The following DOCK3 variants were observed in gnomAD, a reference collection of about 807,000 sequenced individuals.
DOCK3 encodes dedicator of cytokinesis protein 3.
A neutral mutation model predicts 265.6 loss-of-function variants in DOCK3; 60 were observed. That is an observed-to-expected ratio of 0.23 (90% CI 0.18 to 0.28). The LOEUF (loss-of-function observed/expected upper bound fraction) is 0.28. Ranked by LOEUF, DOCK3 falls within the 10% of genes least tolerant of loss-of-function variation. The pLI is 1.00. For missense variants in DOCK3, 1,981 were observed against 2,594.3 expected (o/e 0.76, Z 5.14); for synonymous variants, 881 against 938.0 (o/e 0.94, Z 1.11).
chr3:51,116,321 G>A (rs2083736995), intron 9 of DOCK3, among the ~76,000 whole-genome samples: 1 of 151,118 alleles, frequency 6.6e-6, no homozygotes, highest in Non-Finnish European at 1.5e-5. Context: ...CGTGGTGGTG[G>A]GCACCTGTAA....
Position 51,312,491 on chromosome 3 carries a change from T to C in DOCK3, c.3109T>C (p.Phe1037Leu). Residue 1037 changes from phenylalanine (F) to leucine (L), a missense_variant, in exon 30 of 53, where the codon TTT (phenylalanine) becomes CTT (leucine). Coordinates refer to ENST00000266037, the MANE Select transcript of DOCK3 (RefSeq NM_004947.5). ...GTCTGTCTAGGTGTGGAATTCTTAC[T>C]TTAGCCTGGCAGTTCTATTCATAAA... is the stretch of plus-strand genomic sequence containing the variant. The part of the protein sequence containing the change: ...DFDFKVWNSY[F>L]SLAVLFINQP... The C allele has an allele frequency of 6.2e-7, 1 of 1,612,938 alleles. No homozygotes were observed. The highest frequency in any genetic ancestry group is 8.5e-7 in the Non-Finnish European group (1 of 1,179,708).
chr3:50,792,166 C>T (rs1334097514), intron 2 of DOCK3, among the ~76,000 whole-genome samples: 4 of 145,330 alleles, frequency 2.8e-5, no homozygotes, highest in African/African-American at 5.1e-5. Context: ...TTTTTGTAGA[C>T]GTCTTTCACT....
intron 5 of DOCK3, among the ~76,000 whole-genome samples, chr3:51,020,906 G>T (rs2079558782): frequency 6.6e-6 from 1 of 151,838 alleles, no homozygotes; most frequent in Non-Finnish European, 1.5e-5. Context: ...GTAGCATAAT[G>T]CCTGCAGCTT....
At chr3:50,762,972 G>A (rs912877603) in intron 1 of DOCK3, among the ~76,000 whole-genome samples, 1 of 151,978 alleles carries the variant, frequency 6.6e-6, no homozygotes, top group Non-Finnish European at 1.5e-5. Context: ...CACCAGGACA[G>A]ATGCCCTTTG....
intron 5 of DOCK3, among the ~76,000 whole-genome samples, chr3:51,051,255 G>C (rs1332313749): frequency 6.6e-6 from 1 of 152,236 alleles, no homozygotes; most frequent in Non-Finnish European, 1.5e-5. Flanking sequence ...ATGGTTACCT[G>C]TAAGAAGTTG....
At chr3:51,029,967 C>T (rs1297607627) in intron 5 of DOCK3, among the ~76,000 whole-genome samples, 3 of 143,576 alleles carry the variant, frequency 2.1e-5, no homozygotes, top group Admixed American at 7.1e-5. Flanking sequence ...CCCTGGGACA[C>T]GGGGTCGGGG....
Position 51,003,497 on chromosome 3 carries a change from A to G in DOCK3, c.316-60951A>G, listed in dbSNP as rs139797870. 9.1e-4 allele frequency among the ~76,000 whole-genome samples: 138 copies of G among 152,360 alleles called. 2 individuals carry two copies. The East Asian group carries it at 0.026, about 29-fold the overall frequency. ...TCATAGAGCTGCAAGTGAAAGACAT[A>G]CATTTACGCTAATGATTTATGTATG... On this transcript the variant is annotated intron_variant, in intron 5 of 52. Transcript: ENST00000266037.
At chr3:50,909,225 T>A (rs1039955319) in intron 4 of DOCK3, among the ~76,000 whole-genome samples, 6 of 152,152 alleles carry the variant, frequency 3.9e-5, no homozygotes, top group African/African-American at 1.4e-4. Flanking sequence ...TTAAGTTTAA[T>A]ACTGTTATGT....
chr3:50,852,760 T>C (rs1253507932), intron 3 of DOCK3, among the ~76,000 whole-genome samples: 1 of 152,202 alleles, frequency 6.6e-6, no homozygotes, highest in Non-Finnish European at 1.5e-5. Flanking sequence ...ATGTATCTGC[T>C]GTTATCCTAT....
At chr3:50,902,883 T>TGAG (rs1376976738) in intron 4 of DOCK3, among the ~76,000 whole-genome samples, 1 of 152,236 alleles carries the variant, frequency 6.6e-6, no homozygotes, top group African/African-American at 2.4e-5. Context: ...GAAGAGGTCC[T>TGAG]ACACCTGTCT....
intron 19 of DOCK3, among the ~76,000 whole-genome samples, chr3:51,234,185 C>T (rs557623298): frequency 3.3e-5 from 5 of 152,284 alleles, no homozygotes; most frequent in African/African-American, 1.2e-4. Flanking sequence ...ATAGCTCTCC[C>T]AACTGGGATG....
Position 51,270,872 on chromosome 3 carries a change from G to A in DOCK3, c.2413G>A (p.Val805Met), listed in dbSNP as rs374645432. 39 of 1,613,988 alleles carry A rather than the reference G, an allele frequency of 2.4e-5. No individual in the cohort carries two copies. Among genetic ancestry groups the A allele is most frequent in the Non-Finnish European group, 3.0e-5 (35 of 1,179,892 alleles). ...IFDELLQMFT[V>M]QEVAEFVRGT... ...TGATGAGCTTCTGCAAATGTTCACC[G>A]TGCAAGAGGTGGCAGAGTTTGTGAG... is the stretch of plus-strand genomic sequence containing the variant. The change falls in exon 24 of 53, where the codon GTG becomes ATG. Residue 805 changes from valine (V) to methionine (M), a missense_variant. This residue lies in a region of DOCK3 where 1,357 missense variants were observed against 1,866.8 expected (regional missense o/e 0.73). Transcript: ENST00000266037.
At chr3:51,249,078 G>C (rs1410192094) in intron 22 of DOCK3, among the ~76,000 whole-genome samples, 1 of 151,558 alleles carries the variant, frequency 6.6e-6, no homozygotes, top group East Asian at 2.0e-4. Flanking sequence ...CCGCCCGGCA[G>C]CCACCCCGTC....
intron 5 of DOCK3, among the ~76,000 whole-genome samples, chr3:50,935,562 C>CTACT (rs1474271220): frequency 2.6e-5 from 4 of 152,216 alleles, no homozygotes; most frequent in Non-Finnish European, 5.9e-5. Flanking sequence ...TTGTTGTACT[C>CTACT]TCCCCAGCTG....
At chr3:51,291,603 T>C (rs2081778805) in intron 27 of DOCK3, among the ~76,000 whole-genome samples, 2 of 152,128 alleles carry the variant, frequency 1.3e-5, no homozygotes, top group Admixed American at 6.5e-5. Flanking sequence ...GAATCAGTAA[T>C]TAAGAGTCTT....
At chr3:51,083,985 A>C (rs2082330889) in intron 7 of DOCK3, among the ~76,000 whole-genome samples, 1 of 151,196 alleles carries the variant, frequency 6.6e-6, no homozygotes, top group African/African-American at 2.5e-5. Flanking sequence ...CTCCATCTCA[A>C]ATAAATAAAT....
chr3:51,184,097 G>A (rs535662124), intron 12 of DOCK3, among the ~76,000 whole-genome samples: 2 of 152,198 alleles, frequency 1.3e-5, no homozygotes, highest in African/African-American at 4.8e-5. Context: ...ATTACCTGAG[G>A]TCAGGAGTTC....
intron 4 of DOCK3, among the ~76,000 whole-genome samples, chr3:50,899,630 A>C (rs188018180): frequency 3.3e-5 from 5 of 152,016 alleles, no homozygotes; most frequent in African/African-American, 1.2e-4. Context: ...TTTCCTTTCC[A>C]TATTTAGTGC....
chr3:51,014,272 G>T (rs2079068370), intron 5 of DOCK3, among the ~76,000 whole-genome samples: 1 of 151,696 alleles, frequency 6.6e-6, no homozygotes, highest in African/African-American at 2.4e-5. Flanking sequence ...CTGCAGACCA[G>T]AGCTGTTCCT....
Sources: allele counts gnomAD v4.1 joint callset (sites outside exome capture counted in the v4.1 genomes callset), GRCh38; gene constraint gnomAD v4.1.1; regional missense constraint gnomAD v4.1.1; transcripts MANE v1.5; gene names NCBI Gene and HGNC (gene_info 2026-07-23, HGNC 2026-07-21).